The following RANGAP1 variants were observed in gnomAD, a reference collection of about 807,000 sequenced individuals.
The protein encoded by RANGAP1 is Ran GTPase activating protein 1.
Under a neutral mutation model 63.5 loss-of-function variants are expected in RANGAP1, and 38 were observed. That is an observed-to-expected ratio of 0.60 (90% CI 0.46 to 0.78). The LOEUF (loss-of-function observed/expected upper bound fraction) is 0.78, where lower values mean the gene tolerates loss of function less well. Ranked by LOEUF, RANGAP1 falls within the 30% of genes least tolerant of loss-of-function variation. The pLI is 0.00. For missense variants in RANGAP1, 630 were observed against 740.3 expected, an observed-to-expected ratio of 0.85 and a Z score of 1.73; for synonymous variants, 329 against 310.5, an observed-to-expected ratio of 1.06 and a Z score of -0.63.
Position 41,249,728 on chromosome 22 carries a change from C to T in RANGAP1, c.1572+1G>A. 2 of 1,612,566 alleles carry T rather than the reference C, an allele frequency of 1.2e-6. No homozygotes were observed. The highest frequency in any genetic ancestry group is 2.2e-5 in the East Asian group (1 of 44,878). ...GGGCCTGCTGTTCCTTCCGGCCTCA[C>T]CTTGAGCAGACCCATGTGCACGAGC... On this transcript the variant is annotated splice_donor_variant, in intron 14 of 15. Coordinates refer to ENST00000356244, the MANE Select transcript of RANGAP1 (RefSeq NM_002883.4). LOFTEE classifies it high-confidence loss of function.
rs767330242 is a variant in RANGAP1, at chr22:41,254,376, GCTCTTCTTCCTCCTCCTCCTC to G, written c.1171_1191del (p.Glu391_Glu397del). ...TTCTCTCCCTGCCCTCGCTGCTGAG[GCTCTTCTTCCTCCTCCTCCTC>G]CTCTTCTTCCTCCTCTTCCTCATCT... On this transcript the variant is annotated inframe_deletion, in exon 11 of 16. Coordinates refer to ENST00000356244, the MANE Select transcript of RANGAP1 (RefSeq NM_002883.4). The G allele has an allele frequency of 6.2e-6, 10 of 1,613,916 alleles. No individual in the cohort carries two copies. Among genetic ancestry groups the G allele is most frequent in the Non-Finnish European group, 8.5e-6 (10 of 1,179,898 alleles).
rs566761848 is a variant in RANGAP1, at chr22:41,270,002, T to A, written c.241-1846A>T. ...GTGCCCGCTACCACGCCCAGCTAAT[T>A]TTTTGTATTTTTAGTGGAGATGGGG... On this transcript the variant is annotated intron_variant, in intron 3 of 15. Coordinates refer to ENST00000356244, the MANE Select transcript of RANGAP1 (RefSeq NM_002883.4). Among the ~76,000 whole-genome samples the A allele has an allele frequency of 4.0e-5, 6 of 151,886 alleles. No individual in the cohort carries two copies. In the South Asian group the frequency reaches 6.2e-4, roughly 16 times the overall value.
upstream of RANGAP1, among the ~76,000 whole-genome samples, chr22:41,286,823 C>T (rs1267279307): frequency 6.6e-6 from 1 of 152,172 alleles, no homozygotes; most frequent in Non-Finnish European, 1.5e-5. Context: ...AAAAACACGG[C>T]GTCACCGTCC....
chr22:41,295,063 C>T, the RANGAP1 span, among the ~76,000 whole-genome samples: 13 of 146,846 alleles, frequency 8.9e-5, no homozygotes, highest in Admixed American at 7.4e-4. Context: ...CCGCCCTATC[C>T]GGGAGGGAGG....
chr22:41,246,777 G>C, intron 15 of RANGAP1, 105 bp from the exon 16 acceptor site: 1 of 1,072,852 alleles, frequency 9.3e-7, no homozygotes, highest in Non-Finnish European at 1.4e-6. Flanking sequence ...TTTGCACAAC[G>C]ACTCAGCAAG....
In RANGAP1 at chr22:41,264,750, A is replaced by C. The variant is rs2145759860; in HGVS notation, c.394T>G (p.Phe132Val). ...NAFGPDGVQGFEALLKSSACF... is the reference protein window; with the variant it reads ...NAFGPDGVQGVEALLKSSACF... ...GCTGAGCTCTTGAGCAGGGCCTCGA[A>C]GCCTTGCACACCGTCGGGCCCGAAT... Residue 132 changes from phenylalanine to valine, a missense_variant, in exon 5 of 16, where the codon TTC (phenylalanine) becomes GTC (valine). By Grantham distance (50) the Phe-to-Val change is conservative. Coordinates refer to ENST00000356244, the MANE Select transcript of RANGAP1 (RefSeq NM_002883.4). 6.2e-7 allele frequency: 1 copy of C among 1,614,096 alleles called. No individual in the cohort carries two copies. The highest frequency in any genetic ancestry group is 2.2e-5 in the East Asian group (1 of 44,886).
chr22:41,298,144 C>T, the RANGAP1 span, among the ~76,000 whole-genome samples: 1 of 151,520 alleles, frequency 6.6e-6, no homozygotes, highest in Non-Finnish European at 1.5e-5. Context: ...AGGCATGAGC[C>T]ACCGTGCCTG....
chr22:41,282,635 T>G (rs923554422), intron 1 of RANGAP1: 2 of 152,128 alleles, frequency 1.3e-5, no homozygotes, highest in African/African-American at 4.8e-5. Flanking sequence ...AAATGAAAAT[T>G]TTTAAAACAA....
chr22:41,290,027 G>C (rs1290975836), upstream of RANGAP1, among the ~76,000 whole-genome samples: 2 of 151,918 alleles, frequency 1.3e-5, no homozygotes, highest in Non-Finnish European at 2.9e-5. Context: ...TGGAGTCCCA[G>C]CTACTAGGGA....
intron 2 of RANGAP1, chr22:41,277,370 G>T: frequency 1.1e-6 from 1 of 890,472 alleles, no homozygotes; most frequent in Non-Finnish European, 1.5e-6. Context: ...GAGCCACCGC[G>T]CCCGGCCGAA....
At chr22:41,248,471 C>T (rs1204120639) in intron 15 of RANGAP1, among the ~76,000 whole-genome samples, 1 of 152,232 alleles carries the variant, frequency 6.6e-6, no homozygotes, top group African/African-American at 2.4e-5. Context: ...GCCCCGCCTC[C>T]CCACATGCAC....
In RANGAP1 at chr22:41,257,319, C is replaced by T. The variant is rs543147143; in HGVS notation, c.775-495G>A. ...GACCCTGGCAGCCAAGAAGCCACTGCGTTCAGAGCCCAGCACTGTTACCAC... is the reference window on the plus strand; with the variant it reads ...GACCCTGGCAGCCAAGAAGCCACTGTGTTCAGAGCCCAGCACTGTTACCAC... On this transcript the variant is annotated intron_variant, in intron 7 of 15. Coordinates refer to ENST00000356244, the MANE Select transcript of RANGAP1 (RefSeq NM_002883.4). This position sits in a 1 kb window ranked among gnomAD's most constrained non-coding sequence, Gnocchi z 4.0. 1.3e-5 allele frequency among the ~76,000 whole-genome samples: 2 copies of T among 152,322 alleles called. No homozygotes were observed. The highest frequency in any genetic ancestry group is 2.1e-4 in the South Asian group (1 of 4,828).
upstream of RANGAP1, among the ~76,000 whole-genome samples, chr22:41,291,161 C>A (rs767239248): frequency 6.6e-6 from 1 of 152,232 alleles, no homozygotes; most frequent in Non-Finnish European, 1.5e-5. Context: ...TTCCAATAGG[C>A]ACTGTTCCAG....
At chr22:41,253,589 G>A (rs142691754) in intron 11 of RANGAP1, among the ~76,000 whole-genome samples, 3 of 152,176 alleles carry the variant, frequency 2.0e-5, no homozygotes, top group African/African-American at 4.8e-5. Context: ...GGGACACCAA[G>A]TGCCCAAGCC....
intron 2 of RANGAP1, among the ~76,000 whole-genome samples, chr22:41,275,476 A>C (rs2035081010): frequency 6.6e-6 from 1 of 151,850 alleles, no homozygotes; most frequent in African/African-American, 2.4e-5. Flanking sequence ...TGGGAGACAC[A>C]GCAAGACTCC....
At chr22:41,284,053 C>T (rs530051162) in intron 1 of RANGAP1, among the ~76,000 whole-genome samples, 2 of 151,554 alleles carry the variant, frequency 1.3e-5, no homozygotes, top group South Asian at 2.1e-4. Context: ...TCGAGACCAT[C>T]CTGGCTAACA....
chr22:41,262,242 C>T lies in RANGAP1; in HGVS notation c.481-662G>A, dbSNP rs538773150. Among the ~76,000 whole-genome samples the T allele has an allele frequency of 5.3e-5, 8 of 152,276 alleles. No individual in the cohort carries two copies. The East Asian group carries it at 1.5e-3, about 29-fold the overall frequency. On this transcript the variant is annotated intron_variant, in intron 5 of 15. Transcript: ENST00000356244. ...GTGTGGTGCCAGGAAGTAGCTTCTACCCTGGTTACACCATTAGGAAAAGCA... is the reference window on the plus strand; with the variant it reads ...GTGTGGTGCCAGGAAGTAGCTTCTATCCTGGTTACACCATTAGGAAAAGCA...
chr22:41,267,454 C>T lies in RANGAP1; in HGVS notation c.300+643G>A, dbSNP rs187582070. On this transcript the variant is annotated intron_variant, in intron 4 of 15. Transcript: ENST00000356244. The stretch of plus-strand genomic sequence containing the variant: ...CCTCAGGGCCTGCCGTGTGCAGCCC[C>T]GTGCCAGGAGGACACACTGAGAGGC... Among the ~76,000 whole-genome samples, 28 of 152,324 alleles carry T rather than the reference C, an allele frequency of 1.8e-4. 1 individual carries two copies. Among genetic ancestry groups the T allele is most frequent in the Admixed American group, 1.4e-3 (22 of 15,298 alleles).
the RANGAP1 span, among the ~76,000 whole-genome samples, chr22:41,298,050 G>T: frequency 1.3e-5 from 2 of 151,916 alleles, no homozygotes; most frequent in African/African-American, 4.8e-5. Flanking sequence ...TAGAGACAAG[G>T]TTTCCCCATG....
Sources: allele counts gnomAD v4.1 joint callset (sites outside exome capture counted in the v4.1 genomes callset), GRCh38; gene constraint gnomAD v4.1.1; non-coding constraint Gnocchi (gnomAD v3.1); transcripts MANE v1.5; gene names NCBI Gene and HGNC (gene_info 2026-07-23, HGNC 2026-07-21).